SPDYE4: variants seen among roughly 807,000 people sequenced by gnomAD.
SPDYE4 encodes the protein speedy/RINGO cell cycle regulator family member E4.
Under a neutral mutation model 37.5 loss-of-function variants are expected in SPDYE4, and 30 were observed. The observed-to-expected ratio is 0.80, with a 90% CI of 0.60 to 1.09. SPDYE4 has a LOEUF of 1.09. Among genes scored for constraint, SPDYE4 ranks in the 50% least tolerant of loss-of-function variants. The pLI, the probability that SPDYE4 is intolerant of heterozygous loss-of-function variation, is 0.00. For synonymous variants in SPDYE4, 131 were observed against 120.3 expected, an observed-to-expected ratio of 1.09 and a Z score of -0.58; for missense variants, 300 against 307.9, an observed-to-expected ratio of 0.97 and a Z score of 0.19.
rs1447491189 is a variant in SPDYE4 at position 8,758,311 on chromosome 17, G to C, written c.72C>G (p.Pro24=). The C allele has an allele frequency of 1.3e-6, 2 of 1,549,792 alleles. No individual in the cohort carries two copies. The highest frequency in any genetic ancestry group is 1.4e-5 in the African/African-American group (1 of 72,968). Residue 24 remains proline, a synonymous_variant, in exon 1 of 7, where the codon CCC becomes CCG. Coordinates refer to ENST00000689094, the MANE Select transcript of SPDYE4 (RefSeq NM_001394956.1). ...SPQPSTTVRS[P]EVVVDDEVPG... The stretch of plus-strand genomic sequence containing the variant: ...GCACTTCATCATCCACCACCACCTC[G>C]GGGGACCGTACCGTTGTGCTAGGCT...
chr17:8,755,474 C>T, intron 4 of SPDYE4, 46 bp downstream of exon 4: 1 of 1,592,810 alleles, frequency 6.3e-7, no homozygotes, highest in Non-Finnish European at 8.6e-7. Context: ...CGTCCACTGT[C>T]CCAGGGTGTT....
downstream of SPDYE4, among the ~76,000 whole-genome samples, chr17:8,748,319 G>A (rs1235084786): frequency 2.0e-5 from 3 of 152,260 alleles, no homozygotes; most frequent in African/African-American, 7.2e-5. Context: ...TGCCATGTGA[G>A]GGAGCAACAG....
intron 4 of SPDYE4, among the ~76,000 whole-genome samples, chr17:8,753,930 C>T (rs2086751557): frequency 6.6e-6 from 1 of 152,114 alleles, no homozygotes; most frequent in South Asian, 2.1e-4. Flanking sequence ...ACCCCCCTTC[C>T]TTGTCATGTA....
chr17:8,749,186 A>T (rs1336881139), downstream of SPDYE4, among the ~76,000 whole-genome samples: 1 of 145,344 alleles, frequency 6.9e-6, no homozygotes, highest in African/African-American at 2.6e-5. Context: ...TCGACCTCCC[A>T]GGCCCAAGCA....
intron 5 of SPDYE4, 60 bp from the exon 6 acceptor site, chr17:8,753,257 C>T (rs961212264): frequency 6.2e-7 from 1 of 1,610,356 alleles, no homozygotes; most frequent in Admixed American, 1.7e-5. Context: ...CCTCTCTGCC[C>T]TCCTCCAGCC....
At chr17:8,756,291 AG>A in intron 3 of SPDYE4, 86 bp downstream of exon 3, 1 of 1,242,816 alleles carries the variant, frequency 8.0e-7, no homozygotes, top group South Asian at 1.3e-5. Flanking sequence ...AGAGGGAGAG[AG>A]GAGAGAAACT....
rs1427568673 is a variant in SPDYE4, at chr17:8,750,885, T to C, written c.*1397A>G. On this transcript the variant is annotated 3_prime_UTR_variant, in exon 7 of 7. Transcript: ENST00000689094. The stretch of plus-strand genomic sequence containing the variant: ...GAGAAAACTTCATCTTTATTGCATT[T>C]TCCCAGGTAGCGCAGTGCACTGTCC... 6.6e-6 allele frequency among the ~76,000 whole-genome samples: 1 copy of C among 152,216 alleles called. No individual in the cohort carries two copies. Among genetic ancestry groups the C allele is most frequent in the Non-Finnish European group, 1.5e-5 (1 of 68,036 alleles).
rs2086726969 is a variant in SPDYE4, at chr17:8,751,308, G to C, written c.*974C>G. Reference sequence around the variant, plus strand: ...GAACAGTGTCTTTTAAAAAATACTTGTATTTCTAAACTAGTTAAATAAATG... The same window carrying C: ...GAACAGTGTCTTTTAAAAAATACTTCTATTTCTAAACTAGTTAAATAAATG... On this transcript the variant is annotated 3_prime_UTR_variant, in exon 7 of 7. Transcript: ENST00000689094. Among the ~76,000 whole-genome samples the C allele has an allele frequency of 6.6e-6, 1 of 152,056 alleles. No homozygotes were observed. The highest frequency in any genetic ancestry group is 1.5e-5 in the Non-Finnish European group (1 of 68,004).
Position 8,757,371 on chromosome 17 carries a change from G to T in SPDYE4, c.231C>A (p.Pro77=). The change falls in exon 2 of 7, where the codon CCC becomes CCA. Residue 77 remains proline, a synonymous_variant. Coordinates refer to ENST00000689094, the MANE Select transcript of SPDYE4 (RefSeq NM_001394956.1). ...GCGTCTCCACCACCCAGGTGTCCTCGGGCTCAGGGGCGCGCTCCAACTCCA... is the reference window on the plus strand; with the variant it reads ...GCGTCTCCACCACCCAGGTGTCCTCTGGCTCAGGGGCGCGCTCCAACTCCA... The part of the protein sequence containing the change: ...EELELERAPE[P]EDTWVVETLC... 2 of 1,595,234 alleles carry T rather than the reference G, an allele frequency of 1.3e-6. No individual in the cohort carries two copies. Among genetic ancestry groups the T allele is most frequent in the Non-Finnish European group, 8.5e-7 (1 of 1,170,630 alleles).
rs1198363753 is a variant in SPDYE4, at chr17:8,751,532, G to GAT, written c.*748_*749dup. Among the ~76,000 whole-genome samples the GAT allele has an allele frequency of 1.3e-5, 2 of 152,104 alleles. No homozygotes were observed. The highest frequency in any genetic ancestry group is 3.9e-4 in the East Asian group (2 of 5,190). ...CTACCACCTAGCTATAAATATAATG[G>GAT]ATATATTAGGTCAGTATCATAGATT... On this transcript the variant is annotated 3_prime_UTR_variant, in exon 7 of 7. Coordinates refer to ENST00000689094, the MANE Select transcript of SPDYE4 (RefSeq NM_001394956.1).
At chr17:8,756,323 C>A in intron 3 of SPDYE4, 55 bp downstream of exon 3, 1 of 1,563,012 alleles carries the variant, frequency 6.4e-7, no homozygotes, top group Non-Finnish European at 8.8e-7. Flanking sequence ...ACGCTGCACC[C>A]TTCCCCAGGA....
At chr17:8,748,364 T>G (rs1168580299), downstream of SPDYE4, among the ~76,000 whole-genome samples, 1 of 152,228 alleles carries the variant, frequency 6.6e-6, no homozygotes, top group Non-Finnish European at 1.5e-5. Context: ...AAGCTGACTT[T>G]CAGCAGATGC....
chr17:8,754,430 C>G (rs1393695813), intron 4 of SPDYE4, among the ~76,000 whole-genome samples: 2 of 152,080 alleles, frequency 1.3e-5, no homozygotes, highest in Non-Finnish European at 2.9e-5. Context: ...TAAAAACTGG[C>G]TAGATGTGGT....
chr17:8,755,934 G>A (rs1287953896), intron 3 of SPDYE4, among the ~76,000 whole-genome samples: 2 of 152,116 alleles, frequency 1.3e-5, no homozygotes, highest in African/African-American at 2.4e-5. Flanking sequence ...TGAGAGGATA[G>A]GGGTCAGGAG....
Position 8,753,481 on chromosome 17 carries a change from G to A in SPDYE4, c.494C>T (p.Ala165Val). The A allele has an allele frequency of 6.2e-7, 1 of 1,613,750 alleles. No homozygotes were observed. The highest frequency in any genetic ancestry group is 1.1e-5 in the South Asian group (1 of 91,018). Residue 165 changes from alanine to valine, a missense_variant, in exon 5 of 7, where the codon GCC becomes GTC. Physicochemically the swap from Ala to Val is moderately conservative, Grantham distance 64. Coordinates refer to ENST00000689094, the MANE Select transcript of SPDYE4 (RefSeq NM_001394956.1). ...RIHFFLALYLASDMEEDNQAP... is the reference protein window; with the variant it reads ...RIHFFLALYLVSDMEEDNQAP... ...CTGGTTGTCCTCCTCCATGTCACTGGCCAGGTAGCTGGGGAGAGAGATCAG... is the reference window on the plus strand; with the variant it reads ...CTGGTTGTCCTCCTCCATGTCACTGACCAGGTAGCTGGGGAGAGAGATCAG...
intron 1 of SPDYE4, 84 bp downstream of exon 1, chr17:8,758,190 A>T (rs1478284003): frequency 3.4e-5 from 39 of 1,155,630 alleles, no homozygotes; most frequent in Non-Finnish European, 3.8e-5. Flanking sequence ...CACCCTACTC[A>T]GGTGCTTCAG....
At position 8,757,296 on chromosome 17, in the gene SPDYE4, G is replaced by T. The variant is rs747449436; in HGVS notation, c.306C>A (p.Leu102=). 5 of 1,605,120 alleles carry T rather than the reference G, an allele frequency of 3.1e-6. No homozygotes were observed. The highest frequency in any genetic ancestry group is 4.3e-6 in the Non-Finnish European group (5 of 1,175,724). Residue 102 remains leucine (L), a synonymous_variant, in exon 2 of 7, where the codon CTC becomes CTA. Transcript: ENST00000689094. ...TGTTGAAGGCCTCGTGGTGCTCAGG[G>T]AGCACGGAGGATGCTCGCTTTCGCT... ...KLKRKRASSV[L]PEHHEAFNRL... is the part of the protein sequence containing the mutation.
Position 8,757,356 on chromosome 17 carries a change from C to A in SPDYE4, c.246G>T (p.Val82=), listed in dbSNP as rs758557045. Residue 82 remains valine (V), a synonymous_variant, in exon 2 of 7, where the codon GTG becomes GTT. Transcript: ENST00000689094. ...ERAPEPEDTW[V]VETLCGLKMK... ...TCTTGAGCCCACACAGCGTCTCCACCACCCAGGTGTCCTCGGGCTCAGGGG... is the reference window on the plus strand; with the variant it reads ...TCTTGAGCCCACACAGCGTCTCCACAACCCAGGTGTCCTCGGGCTCAGGGG... The A allele has an allele frequency of 1.9e-6, 3 of 1,599,846 alleles. No homozygotes were observed. The highest frequency in any genetic ancestry group is 2.6e-6 in the Non-Finnish European group (3 of 1,173,030).
rs114982914 is a variant in SPDYE4 at position 8,751,840 on chromosome 17, T to C, written c.*442A>G. ...ACTATCTCTTAAAATCCTATGGCAGTAATTTCATATTTTACAAAGAATTCC... is the reference window on the plus strand; with the variant it reads ...ACTATCTCTTAAAATCCTATGGCAGCAATTTCATATTTTACAAAGAATTCC... On this transcript the variant is annotated 3_prime_UTR_variant, in exon 7 of 7. Coordinates refer to ENST00000689094, the MANE Select transcript of SPDYE4 (RefSeq NM_001394956.1). Among the ~76,000 whole-genome samples, 431 of 152,270 alleles carry C rather than the reference T, an allele frequency of 2.8e-3. 2 individuals carry two copies. Among genetic ancestry groups the C allele is most frequent in the African/African-American group, 9.4e-3 (391 of 41,538 alleles).
Sources: allele counts gnomAD v4.1 joint callset (sites outside exome capture counted in the v4.1 genomes callset), GRCh38; gene constraint gnomAD v4.1.1; transcripts MANE v1.5; gene names NCBI Gene and HGNC (gene_info 2026-07-23, HGNC 2026-07-21).